Variants in CTNND2 observed in about 807,000 individuals in gnomAD.
CTNND2 encodes catenin delta 2.
CTNND2 carries 22 observed loss-of-function variants against 144.4 expected under a neutral mutation model. That is an observed-to-expected ratio of 0.15 (90% CI 0.11 to 0.22). The LOEUF (loss-of-function observed/expected upper bound fraction) is 0.22. Ranked by LOEUF, CTNND2 falls within the 10% of genes least tolerant of loss-of-function variation. The pLI is 1.00. For synonymous variants in CTNND2, 751 were observed against 695.6 expected, an observed-to-expected ratio of 1.08 and a Z score of -1.25; for missense variants, 1,353 against 1,618.8, an observed-to-expected ratio of 0.84 and a Z score of 2.82.
intron 16 of CTNND2, among the ~76,000 whole-genome samples, chr5:11,066,094 C>T (rs978435960): frequency 2.7e-5 from 4 of 150,620 alleles, no homozygotes; most frequent in African/African-American, 9.8e-5. Flanking sequence ...GGCTGGAGTG[C>T]AGTGGTGTGA....
chr5:11,419,835 CTTA>C (rs1489076956), intron 3 of CTNND2, among the ~76,000 whole-genome samples: 2 of 152,206 alleles, frequency 1.3e-5, no homozygotes, highest in African/African-American at 2.4e-5. Context: ...CAAATATACT[CTTA>C]TTGTCTTTTT....
At chr5:11,767,188 T>C (rs776982502) in intron 1 of CTNND2, among the ~76,000 whole-genome samples, 13 of 152,240 alleles carry the variant, frequency 8.5e-5, no homozygotes, top group Non-Finnish European at 1.3e-4. Flanking sequence ...GGCACAGATA[T>C]AGATGAATAG....
At chr5:11,898,306 T>G (rs966661263) in intron 1 of CTNND2, among the ~76,000 whole-genome samples, 1 of 152,218 alleles carries the variant, frequency 6.6e-6, no homozygotes, top group African/African-American at 2.4e-5. Flanking sequence ...TTAAAGTAAC[T>G]ATATACCTTT....
intron 3 of CTNND2, among the ~76,000 whole-genome samples, chr5:11,427,159 A>G (rs1762848553): frequency 6.6e-6 from 1 of 152,204 alleles, no homozygotes; most frequent in African/African-American, 2.4e-5. Context: ...TTTACTTAGA[A>G]TTATATTAAA....
chr5:11,371,987 G>C lies in CTNND2; in HGVS notation c.1178-7097C>G, dbSNP rs561069035. Among the ~76,000 whole-genome samples the C allele has an allele frequency of 5.9e-5, 9 of 152,218 alleles. No homozygotes were observed. In the South Asian group the frequency reaches 1.9e-3, roughly 32 times the overall value. Reference sequence around the variant, plus strand: ...ATTTCATCATATTTCATAAATGTTAGATTTTCTTATACTAACTTAGTACAG... The same window carrying C: ...ATTTCATCATATTTCATAAATGTTACATTTTCTTATACTAACTTAGTACAG... On this transcript the variant is annotated intron_variant, in intron 7 of 21. Coordinates refer to ENST00000304623, the MANE Select transcript of CTNND2 (RefSeq NM_001332.4).
At chr5:11,726,702 C>T (rs890566188) in intron 2 of CTNND2, among the ~76,000 whole-genome samples, 5 of 152,166 alleles carry the variant, frequency 3.3e-5, no homozygotes, top group African/African-American at 1.2e-4. Flanking sequence ...ACCCCACATA[C>T]TAAAGGCTTA....
intron 2 of CTNND2, among the ~76,000 whole-genome samples, chr5:11,674,003 T>C (rs1784039916): frequency 6.6e-6 from 1 of 152,186 alleles, no homozygotes; most frequent in Admixed American, 6.5e-5. Context: ...GCCGAATTTA[T>C]TCACAGAGGT....
chr5:11,081,106 A>T (rs199734302), intron 16 of CTNND2, among the ~76,000 whole-genome samples: 2 of 124,742 alleles, frequency 1.6e-5, no homozygotes, highest in African/African-American at 2.7e-5. Flanking sequence ...ACACACACAC[A>T]CTCACACACA....
intron 1 of CTNND2, among the ~76,000 whole-genome samples, chr5:11,857,215 G>A (rs1561862705): frequency 6.6e-6 from 1 of 152,168 alleles, no homozygotes; most frequent in Non-Finnish European, 1.5e-5. Flanking sequence ...TGAGATAGAG[G>A]AATGGTCCTC....
At chr5:11,388,061 G>A (rs1759267808) in intron 6 of CTNND2, among the ~76,000 whole-genome samples, 1 of 152,108 alleles carries the variant, frequency 6.6e-6, no homozygotes, top group Non-Finnish European at 1.5e-5. Flanking sequence ...ACAAGCTACG[G>A]CAACCAATTT....
intron 2 of CTNND2, among the ~76,000 whole-genome samples, chr5:11,607,757 T>G (rs1780122945): frequency 6.6e-6 from 1 of 152,158 alleles, no homozygotes; most frequent in Admixed American, 6.5e-5. Context: ...ACATCCCCAA[T>G]GAAAGAAACT....
At chr5:11,011,524 T>C (rs746452160) in intron 18 of CTNND2, among the ~76,000 whole-genome samples, 2 of 152,206 alleles carry the variant, frequency 1.3e-5, no homozygotes, top group South Asian at 2.1e-4. Context: ...GCCTGAACTA[T>C]GGATTTTAAT....
intron 1 of CTNND2, among the ~76,000 whole-genome samples, chr5:11,885,034 T>G (rs191234111): frequency 6.6e-6 from 1 of 152,312 alleles, no homozygotes; most frequent in East Asian, 1.9e-4. Context: ...ATAAAAGCAC[T>G]TTTGGATGTG....
At position 11,380,445 on chromosome 5, in the gene CTNND2, G is replaced by T. The variant is rs576544688; in HGVS notation, c.1177+4220C>A. On this transcript the variant is annotated intron_variant, in intron 7 of 21. Coordinates refer to ENST00000304623, the MANE Select transcript of CTNND2 (RefSeq NM_001332.4). ...GCAAAAGTATATGAATAGATACAATGGTGACCCCTTTTATCAGGGAATAAT... is the reference window on the plus strand; with the variant it reads ...GCAAAAGTATATGAATAGATACAATTGTGACCCCTTTTATCAGGGAATAAT... 2.4e-4 allele frequency among the ~76,000 whole-genome samples: 37 copies of T among 152,290 alleles called. No individual in the cohort carries two copies. In the South Asian group the frequency reaches 7.7e-3, roughly 32 times the overall value.
intron 12 of CTNND2, among the ~76,000 whole-genome samples, chr5:11,136,276 G>C (rs922736006): frequency 2.6e-5 from 4 of 152,054 alleles, no homozygotes; most frequent in African/African-American, 9.7e-5. Context: ...TTTTTAGCTT[G>C]TTTTTTGTTT....
intron 1 of CTNND2, among the ~76,000 whole-genome samples, chr5:11,836,639 TC>T (rs1296785848): frequency 6.6e-6 from 1 of 151,480 alleles, no homozygotes; most frequent in Non-Finnish European, 1.5e-5. Flanking sequence ...AGGAAATACA[TC>T]ATCTCTTATC....
intron 5 of CTNND2, among the ~76,000 whole-genome samples, chr5:11,410,187 A>C (rs939888876): frequency 6.6e-6 from 1 of 152,150 alleles, no homozygotes; most frequent in Non-Finnish European, 1.5e-5. Flanking sequence ...ACTATGAGTA[A>C]AAGAGGTAAC....
In CTNND2 at chr5:10,973,929, C is replaced by A. The variant is rs901323121; in HGVS notation, c.3418-216G>T. Among the ~76,000 whole-genome samples, 1 of 152,206 alleles carries A rather than the reference C, an allele frequency of 6.6e-6. No homozygotes were observed. The highest frequency in any genetic ancestry group is 1.5e-5 in the Non-Finnish European group (1 of 68,046). ...TGCTATCATTCTACATAATCTTTAT[C>A]ATGGCAAAATATACATAACATAAAA... is the stretch of plus-strand genomic sequence containing the variant. On this transcript the variant is annotated intron_variant, in intron 21 of 21. Coordinates refer to ENST00000304623, the MANE Select transcript of CTNND2 (RefSeq NM_001332.4). This position sits in a 1 kb window ranked among gnomAD's most constrained non-coding sequence, Gnocchi z 5.6.
intron 9 of CTNND2, among the ~76,000 whole-genome samples, chr5:11,244,853 A>T (rs1396671099): frequency 6.6e-6 from 1 of 152,232 alleles, no homozygotes; most frequent in African/African-American, 2.4e-5. Context: ...ATGGGGGACT[A>T]GAAGGTGCTC....
Sources: gnomAD v4.1 joint callset for allele counts (sites outside exome capture counted in the v4.1 genomes callset) on GRCh38, gnomAD v4.1.1 for gene constraint, Gnocchi (gnomAD v3.1) non-coding constraint, MANE v1.5 for transcripts, NCBI Gene and HGNC (gene_info 2026-07-23, HGNC 2026-07-21) for gene names.